LEPR: variants seen among roughly 807,000 people sequenced by gnomAD.
The protein encoded by LEPR is leptin receptor.
LEPR carries 56 observed loss-of-function variants against 114.7 expected under a neutral mutation model. The ratio of observed to expected loss-of-function variants is 0.49; its 90% CI spans 0.39 to 0.61. The LOEUF (loss-of-function observed/expected upper bound fraction) is 0.61. Ranked by LOEUF, LEPR falls within the 20% of genes least tolerant of loss-of-function variation. The probability of loss-of-function intolerance (pLI) is 0.00; values close to 1 mark genes in which losing one functional copy is unlikely to be tolerated. For synonymous variants in LEPR, 443 were observed against 461.4 expected (o/e 0.96, Z 0.51); for missense variants, 1,202 against 1,352.9 (o/e 0.89, Z 1.75).
intron 2 of LEPR, among the ~76,000 whole-genome samples, chr1:65,480,130 C>T (rs1183942353): frequency 6.6e-6 from 1 of 152,026 alleles, no homozygotes; most frequent in East Asian, 1.9e-4. Flanking sequence ...GCAGGACCAA[C>T]AGAAACTCCA....
chr1:65,629,037 A>G (rs1017850014), intron 19 of LEPR, among the ~76,000 whole-genome samples: 1 of 152,134 alleles, frequency 6.6e-6, no homozygotes, highest in Non-Finnish European at 1.5e-5. Context: ...TATGAAATGT[A>G]GACGGTATCT....
In LEPR at chr1:65,437,954, C is replaced by T. The variant is rs923998127; in HGVS notation, c.-21+12576C>T. ...TCCTGAGTAGCTGGGATTACAGGCA[C>T]GGGCCACCGCAGCTGGCTAAGTTAT... On this transcript the variant is annotated intron_variant, in intron 2 of 19. Coordinates refer to ENST00000349533, the MANE Select transcript of LEPR (RefSeq NM_002303.6). Among the ~76,000 whole-genome samples the T allele has an allele frequency of 3.6e-4, 54 of 151,658 alleles. 2 individuals carry two copies. The highest frequency in any genetic ancestry group is 4.2e-4 in the South Asian group (2 of 4,814).
intron 5 of LEPR, 104 bp downstream of exon 5, chr1:65,572,553 T>G: frequency 1.7e-6 from 2 of 1,171,932 alleles, no homozygotes; most frequent in South Asian, 2.9e-5. Flanking sequence ...CTACATTTCC[T>G]ATTATATGTT....
At chr1:65,554,997 A>T (rs1652712199) in intron 2 of LEPR, among the ~76,000 whole-genome samples, 1 of 152,020 alleles carries the variant, frequency 6.6e-6, no homozygotes, top group Non-Finnish European at 1.5e-5. Context: ...TTCCTGGATG[A>T]GCCAACGCCC....
chr1:65,580,235 T>C (rs1312267068), intron 5 of LEPR, among the ~76,000 whole-genome samples: 1 of 152,214 alleles, frequency 6.6e-6, no homozygotes, highest in Admixed American at 6.5e-5. Flanking sequence ...AATAGGACTC[T>C]AATTCAATGG....
chr1:65,519,013 CTCTT>C (rs1330597907), intron 2 of LEPR, among the ~76,000 whole-genome samples: 11 of 66,300 alleles, frequency 1.7e-4, no homozygotes, highest in Admixed American at 9.1e-4. Flanking sequence ...TTCTTTCTTT[CTCTT>C]TCTTTCTCTT....
intron 2 of LEPR, among the ~76,000 whole-genome samples, chr1:65,440,645 G>A (rs1186814147): frequency 6.6e-6 from 1 of 152,156 alleles, no homozygotes; most frequent in African/African-American, 2.4e-5. Flanking sequence ...CCCTGAGCTG[G>A]AGCGTACCTG....
At chr1:65,484,375 T>C (rs980718413) in intron 2 of LEPR, among the ~76,000 whole-genome samples, 1 of 152,200 alleles carries the variant, frequency 6.6e-6, no homozygotes, top group Non-Finnish European at 1.5e-5. Context: ...TTGTTACATA[T>C]ACATGCCTCC....
At chr1:65,550,295 C>G (rs1028250811) in intron 2 of LEPR, among the ~76,000 whole-genome samples, 1 of 152,322 alleles carries the variant, frequency 6.6e-6, no homozygotes, top group East Asian at 1.9e-4. Context: ...GCAGTCTGCC[C>G]GTTCTCAGGT....
At chr1:65,510,610 T>C (rs1648979853) in intron 2 of LEPR, among the ~76,000 whole-genome samples, 1 of 152,224 alleles carries the variant, frequency 6.6e-6, no homozygotes, top group African/African-American at 2.4e-5. Flanking sequence ...TTGGCATTTT[T>C]ATGTGCATTG....
chr1:65,457,122 T>C (rs1423577179), intron 2 of LEPR, among the ~76,000 whole-genome samples: 1 of 152,186 alleles, frequency 6.6e-6, no homozygotes, highest in Non-Finnish European at 1.5e-5. Flanking sequence ...TCCTATCCCT[T>C]GTGTCAATGC....
At chr1:65,577,875 AGGTATG>A (rs1654702492) in intron 5 of LEPR, 1 of 150,736 alleles carries the variant, frequency 6.6e-6, no homozygotes, top group Non-Finnish European at 1.5e-5. Flanking sequence ...TTTGTTACAT[AGGTATG>A]CGTGTGCCAT....
At chr1:65,433,995 A>G in intron 2 of LEPR, 1 of 985,342 alleles carries the variant, frequency 1.0e-6, no homozygotes, top group African/African-American at 1.7e-5. Flanking sequence ...CTAAGATGGC[A>G]ATAATGATTC....
intron 2 of LEPR, among the ~76,000 whole-genome samples, chr1:65,470,595 A>G (rs1038250570): frequency 5.9e-5 from 9 of 152,196 alleles, no homozygotes; most frequent in African/African-American, 2.2e-4. Context: ...TAAATAAGCA[A>G]ACAGAGGGAA....
intron 11 of LEPR, among the ~76,000 whole-genome samples, chr1:65,606,599 T>C (rs1656825139): frequency 6.6e-6 from 1 of 152,110 alleles, no homozygotes; most frequent in Non-Finnish European, 1.5e-5. Context: ...ATTGAGGGAA[T>C]CACGTAAACT....
At chr1:65,480,767 T>C (rs980914071) in intron 2 of LEPR, among the ~76,000 whole-genome samples, 2 of 151,982 alleles carry the variant, frequency 1.3e-5, no homozygotes, top group African/African-American at 2.4e-5. Flanking sequence ...CTACCAGTAA[T>C]AGCAGAGCCA....
At chr1:65,475,727 A>G (rs1162807343) in intron 2 of LEPR, among the ~76,000 whole-genome samples, 3 of 152,170 alleles carry the variant, frequency 2.0e-5, no homozygotes, top group Non-Finnish European at 4.4e-5. Context: ...AATAAAAATT[A>G]AAAATAGGCC....
At chr1:65,606,591 T>C (rs1163624388) in intron 11 of LEPR, among the ~76,000 whole-genome samples, 2 of 152,110 alleles carry the variant, frequency 1.3e-5, no homozygotes, top group African/African-American at 4.8e-5. Context: ...GCATGGGTAT[T>C]GAGGGAATCA....
intron 2 of LEPR, chr1:65,431,713 T>A: frequency 7.5e-7 from 1 of 1,336,860 alleles, no homozygotes; most frequent in African/African-American, 1.5e-5. Flanking sequence ...AACATTTCAT[T>A]GGATGTTTCT....
Sources: allele counts gnomAD v4.1 joint callset (sites outside exome capture counted in the v4.1 genomes callset), GRCh38; gene constraint gnomAD v4.1.1; transcripts MANE v1.5; gene names NCBI Gene and HGNC (gene_info 2026-07-23, HGNC 2026-07-21).